The following DMRT1 variants were observed in gnomAD, a reference collection of about 807,000 sequenced individuals.
The protein encoded by DMRT1 is doublesex and mab-3 related transcription factor 1.
In DMRT1, 7 loss-of-function variants were observed where a neutral mutation model predicts 32.3. That is an observed-to-expected ratio of 0.22 (90% confidence interval 0.12 to 0.41). The LOEUF (loss-of-function observed/expected upper bound fraction) is 0.41, where lower values mean the gene tolerates loss of function less well. Ranked by LOEUF, DMRT1 falls within the 10% of genes least tolerant of loss-of-function variation. The probability of loss-of-function intolerance (pLI) is 1.00; values close to 1 mark genes in which losing one functional copy is unlikely to be tolerated. For synonymous variants in DMRT1, 278 were observed against 206.1 expected (o/e 1.35, Z -2.99); for missense variants, 625 against 500.5 (o/e 1.25, Z -2.37).
chr9:926,404 A>T (rs1022313460), intron 4 of DMRT1, among the ~76,000 whole-genome samples: 4 of 152,196 alleles, frequency 2.6e-5, no homozygotes, highest in Non-Finnish European at 2.9e-5. Context: ...TACTTTCAAA[A>T]ATATTTATTC....
Position 905,833 on chromosome 9 carries a change from C to G in DMRT1, c.823-10930C>G, listed in dbSNP as rs566094884. ...ACTGGGGCTCAGGGAGATGAAGTAG[C>G]TAGCTAGTACTGCACGGCTGGAAAC... On this transcript the variant is annotated intron_variant, in intron 3 of 4. Coordinates refer to ENST00000382276, the MANE Select transcript of DMRT1 (RefSeq NM_021951.3). 3.9e-5 allele frequency among the ~76,000 whole-genome samples: 6 copies of G among 152,268 alleles called. No individual in the cohort carries two copies. In the East Asian group the frequency reaches 1.2e-3, roughly 29 times the overall value.
chr9:855,028 A>G (rs1461568946), intron 2 of DMRT1, among the ~76,000 whole-genome samples: 1 of 151,336 alleles, frequency 6.6e-6, no homozygotes, highest in African/African-American at 2.4e-5. Context: ...CAGCCTCCCA[A>G]AGTGCTGCGA....
Position 881,092 on chromosome 9 carries a change from C to G in DMRT1, c.539-12820C>G, listed in dbSNP as rs187787756. ...AAAGTGGTCTGGGGTGTGGCCTGAT[C>G]ATGGGGAATTCTATAGACCCCCCCC... On this transcript the variant is annotated intron_variant, in intron 2 of 4. Transcript: ENST00000382276. Among the ~76,000 whole-genome samples the G allele has an allele frequency of 1.3e-4, 20 of 151,814 alleles. No individual in the cohort carries two copies. In the East Asian group the frequency reaches 3.7e-3, roughly 28 times the overall value.
rs559696530 is a variant in DMRT1 at position 895,991 on chromosome 9, G to A, written c.822+1796G>A. On this transcript the variant is annotated intron_variant, in intron 3 of 4. Transcript: ENST00000382276. ...AGCTAATTTTTGTATTTTTAGTAGA[G>A]ACGGGGTTTCACCATGGTGGCCACG... Among the ~76,000 whole-genome samples, 20 of 151,710 alleles carry A rather than the reference G, an allele frequency of 1.3e-4. No homozygotes were observed. In the South Asian group the frequency reaches 4.2e-3, roughly 32 times the overall value.
chr9:940,948 C>G (rs905294456), intron 4 of DMRT1, among the ~76,000 whole-genome samples: 6 of 152,152 alleles, frequency 3.9e-5, no homozygotes, highest in Non-Finnish European at 8.8e-5. Context: ...TGCTCAATAT[C>G]TAATCATTAG....
rs561761277 is a variant in DMRT1 at position 915,747 on chromosome 9, T to A, written c.823-1016T>A. Among the ~76,000 whole-genome samples, 35 of 150,650 alleles carry A rather than the reference T, an allele frequency of 2.3e-4. 1 individual carries two copies. The highest frequency in any genetic ancestry group is 3.5e-4 in the Non-Finnish European group (24 of 68,000). ...TTTGTTTTTTTTAATATATATATATTTTTTAGACAGAGTCTCGCTCTGTCG... is the reference window on the plus strand; with the variant it reads ...TTTGTTTTTTTTAATATATATATATATTTTAGACAGAGTCTCGCTCTGTCG... On this transcript the variant is annotated intron_variant, in intron 3 of 4. Coordinates refer to ENST00000382276, the MANE Select transcript of DMRT1 (RefSeq NM_021951.3).
chr9:910,188 C>T (rs1022572026), intron 3 of DMRT1, among the ~76,000 whole-genome samples: 2 of 151,912 alleles, frequency 1.3e-5, no homozygotes, highest in African/African-American at 4.8e-5. Flanking sequence ...ATTTTTTTGT[C>T]TTGAAGCATG....
intron 4 of DMRT1, among the ~76,000 whole-genome samples, chr9:956,721 A>T (rs1378796485): frequency 6.6e-6 from 1 of 152,210 alleles, no homozygotes; most frequent in Non-Finnish European, 1.5e-5. Flanking sequence ...CAGGGGAAGA[A>T]ATAATTAAAT....
chr9:940,751 C>T (rs1226586634), intron 4 of DMRT1, among the ~76,000 whole-genome samples: 1 of 152,110 alleles, frequency 6.6e-6, no homozygotes, highest in Non-Finnish European at 1.5e-5. Context: ...AGTTAAGAGG[C>T]ACAACCTTCA....
chr9:950,646 C>T (rs1200878533), intron 4 of DMRT1, among the ~76,000 whole-genome samples: 2 of 152,138 alleles, frequency 1.3e-5, no homozygotes, highest in Non-Finnish European at 2.9e-5. Flanking sequence ...CTTCATTTCA[C>T]AAGCCTGCTT....
chr9:881,564 C>G (rs1386245780), intron 2 of DMRT1, among the ~76,000 whole-genome samples: 1 of 152,292 alleles, frequency 6.6e-6, no homozygotes, highest in African/African-American at 2.4e-5. Flanking sequence ...CCTACATGCT[C>G]TAGAGAGAAA....
chr9:841,753 GCGTCGCTGTC>G lies in DMRT1; in HGVS notation c.-80_-71del. On this transcript the variant is annotated 5_prime_UTR_variant, in exon 1 of 5. Transcript: ENST00000382276. ...CGTCTCCTGCGCCTCCTCCTCCGGA[GCGTCGCTGTC>G]CGTCGGGTTCATCCCTCGCAGCAGT... The G allele has an allele frequency of 6.5e-7, 1 of 1,548,980 alleles. No individual in the cohort carries two copies. Among genetic ancestry groups the G allele is most frequent in the Non-Finnish European group, 8.7e-7 (1 of 1,147,478 alleles).
intron 4 of DMRT1, among the ~76,000 whole-genome samples, chr9:935,565 C>T (rs1042714376): frequency 2.6e-5 from 4 of 152,180 alleles, no homozygotes; most frequent in African/African-American, 4.8e-5. Flanking sequence ...TGCTCGCTTC[C>T]GCATACCAGT....
chr9:845,012 G>A (rs574427823), intron 1 of DMRT1, among the ~76,000 whole-genome samples: 10 of 152,018 alleles, frequency 6.6e-5, no homozygotes, highest in Non-Finnish European at 1.3e-4. Context: ...GTGAGCCACT[G>A]CGCCCGGCCT....
chr9:844,353 A>G (rs1439104904), intron 1 of DMRT1, among the ~76,000 whole-genome samples: 3 of 148,244 alleles, frequency 2.0e-5, no homozygotes, highest in Non-Finnish European at 1.5e-5. Context: ...ATTTTTAATC[A>G]ATTGTTATCC....
intron 2 of DMRT1, among the ~76,000 whole-genome samples, chr9:881,917 A>G (rs992435751): frequency 2.6e-5 from 4 of 152,190 alleles, no homozygotes; most frequent in African/African-American, 4.8e-5. Flanking sequence ...TATCTTGCCA[A>G]TGGTAGGACA....
intron 2 of DMRT1, among the ~76,000 whole-genome samples, chr9:858,479 A>T (rs1047472652): frequency 3.9e-5 from 6 of 151,934 alleles, no homozygotes; most frequent in African/African-American, 1.5e-4. Context: ...GTACCTACTT[A>T]CTTTTGGAGT....
intron 2 of DMRT1, among the ~76,000 whole-genome samples, chr9:855,587 C>T (rs753668846): frequency 1.3e-4 from 20 of 152,210 alleles, no homozygotes; most frequent in Non-Finnish European, 2.9e-4. Context: ...GTTCAGTGTA[C>T]ATTTTTGTTC....
intron 3 of DMRT1, among the ~76,000 whole-genome samples, chr9:902,075 A>G (rs1381218493): frequency 2.0e-5 from 3 of 149,832 alleles, no homozygotes; most frequent in Admixed American, 1.3e-4. Flanking sequence ...ACGCCCAGCT[A>G]ATTTTTGTAT....
Sources: gnomAD v4.1 joint callset for allele counts (sites outside exome capture counted in the v4.1 genomes callset) on GRCh38, gnomAD v4.1.1 for gene constraint, MANE v1.5 for transcripts, NCBI Gene and HGNC (gene_info 2026-07-23, HGNC 2026-07-21) for gene names.